MARVELD1: variants seen among roughly 807,000 people sequenced by gnomAD.
MARVELD1 encodes MARVEL domain-containing protein 1.
Under a neutral mutation model 11.3 loss-of-function variants are expected in MARVELD1, and 7 were observed. That is an observed-to-expected ratio of 0.62 (90% CI 0.35 to 1.16). The LOEUF is 1.16. Among genes scored for constraint, MARVELD1 ranks in the 50% most tolerant of loss-of-function variants. The pLI, the probability that MARVELD1 is intolerant of heterozygous loss-of-function variation, is 0.02. For synonymous variants in MARVELD1, 119 were observed against 121.4 expected (o/e 0.98, Z 0.13); for missense variants, 216 against 243.8 (o/e 0.89, Z 0.76).
Position 97,714,741 on chromosome 10 carries a change from GA to G in MARVELD1, c.*344del, listed in dbSNP as rs2041898993. On this transcript the variant is annotated 3_prime_UTR_variant, in exon 1 of 2. Transcript: ENST00000285605. The surrounding 1 kb of genome is among the most constrained non-coding windows in gnomAD (Gnocchi z 7.4). ...CGGTTCCTCTTCCCTTCCCTGCTGA[GA>G]CTAAGACGTGGACAGGGGCCGCGCA... 1.1e-5 allele frequency: 3 copies of G among 264,048 alleles called. No homozygotes were observed. The highest frequency in any genetic ancestry group is 1.6e-4 in the South Asian group (2 of 12,560). 16.4% of individuals were successfully genotyped at this position (264,048 alleles called of 1,614,324 possible). A position where few individuals can be genotyped will look rare whatever the true frequency, so the allele number is the denominator to read the frequency against.
At chr10:97,716,600 G>T (rs2041913913) in intron 1 of MARVELD1, among the ~76,000 whole-genome samples, 1 of 152,200 alleles carries the variant, frequency 6.6e-6, no homozygotes, top group South Asian at 2.1e-4. Flanking sequence ...AGCTTTCTCT[G>T]TGGAGGCTGC....
chr10:97,714,227 C>T lies in MARVELD1; in HGVS notation c.351C>T (p.Ser117=). 1 of 1,536,932 alleles carries T rather than the reference C, an allele frequency of 6.5e-7. No homozygotes were observed. Among genetic ancestry groups the T allele is most frequent in the Non-Finnish European group, 8.7e-7 (1 of 1,146,698 alleles). ...ACGGCGCCGCCACCGGCATCATGAG[C>T]GACCAGATGCAGCGCCACAGCTACT... ...ALYGAATGIM[S]DQMQRHSYCN... Residue 117 remains serine, a synonymous_variant, in exon 1 of 2, where the codon AGC becomes AGT. Coordinates refer to ENST00000285605, the MANE Select transcript of MARVELD1 (RefSeq NM_031484.4). The surrounding 1 kb of genome is among the most constrained non-coding windows in gnomAD (Gnocchi z 7.4).
Position 97,714,696 on chromosome 10 carries a change from C to A in MARVELD1, c.*298C>A, listed in dbSNP as rs1420504125. The A allele has an allele frequency of 5.4e-6, 2 of 373,252 alleles. No homozygotes were observed. The highest frequency in any genetic ancestry group is 9.6e-6 in the Non-Finnish European group (2 of 209,120). The allele number at this position is 373,252 out of a possible 1,614,324, so 23.1% of individuals were successfully genotyped here. ...GGCTGACACACACTCGCAGACGAGC[C>A]GCCCCGAGGCGAAACCTCGCGGTTC... On this transcript the variant is annotated 3_prime_UTR_variant, in exon 1 of 2. Transcript: ENST00000285605. The surrounding 1 kb of genome is among the most constrained non-coding windows in gnomAD (Gnocchi z 7.4).
chr10:97,714,189 G>C lies in MARVELD1; in HGVS notation c.313G>C (p.Ala105Pro). ...GGTCAACGTGGCGCACGATGTGCTG[G>C]CGGCCGCGCTCTACGGCGCCGCCAC... The part of the protein sequence containing the change: ...LMVNVAHDVL[A>P]AALYGAATGI... Residue 105 changes from alanine (A) to proline (P), a missense_variant, in exon 1 of 2, where the codon GCG becomes CCG. Coordinates refer to ENST00000285605, the MANE Select transcript of MARVELD1 (RefSeq NM_031484.4). This position sits in a 1 kb window ranked among gnomAD's most constrained non-coding sequence, Gnocchi z 7.4. 6.5e-7 allele frequency: 1 copy of C among 1,536,696 alleles called. No individual in the cohort carries two copies. The highest frequency in any genetic ancestry group is 8.7e-7 in the Non-Finnish European group (1 of 1,146,602).
chr10:97,714,413 G>T lies in MARVELD1; in HGVS notation c.*15G>T, dbSNP rs777354258. 5 of 1,478,984 alleles carry T rather than the reference G, an allele frequency of 3.4e-6. No homozygotes were observed. Among genetic ancestry groups the T allele is most frequent in the East Asian group, 2.5e-5 (1 of 40,376 alleles). The allele number at this position is 1,478,984 out of a possible 1,614,324, so 91.6% of individuals were successfully genotyped here. ...AGGTGGCGTGAGGCCGCCCGCGCCCGCCGCGGCCCCGATCGGGGCGGGGGA... is the reference window on the plus strand; with the variant it reads ...AGGTGGCGTGAGGCCGCCCGCGCCCTCCGCGGCCCCGATCGGGGCGGGGGA... On this transcript the variant is annotated 3_prime_UTR_variant, in exon 1 of 2. Transcript: ENST00000285605. This position sits in a 1 kb window ranked among gnomAD's most constrained non-coding sequence, Gnocchi z 7.4.
At position 97,715,063 on chromosome 10, in the gene MARVELD1, A is replaced by G; in HGVS notation, c.*665A>G. On this transcript the variant is annotated 3_prime_UTR_variant, in exon 1 of 2. Transcript: ENST00000285605. The stretch of plus-strand genomic sequence containing the variant: ...ATCCGCCGAGGTGGGGACCGATAGG[A>G]GAAGCCGGTGGGTTGTACCCTTACA... 6.6e-6 allele frequency: 1 copy of G among 152,524 alleles called. No homozygotes were observed. Among genetic ancestry groups the G allele is most frequent in the Non-Finnish European group, 1.5e-5 (1 of 68,248 alleles). 9.4% of individuals were successfully genotyped at this position (152,524 alleles called of 1,614,324 possible).
In MARVELD1 at chr10:97,715,229, C is replaced by T; in HGVS notation, c.*831C>T. 1 of 152,522 alleles carries T rather than the reference C, an allele frequency of 6.6e-6. No homozygotes were observed. Among genetic ancestry groups the T allele is most frequent in the Non-Finnish European group, 1.5e-5 (1 of 68,184 alleles). 9.4% of individuals were successfully genotyped at this position (152,522 alleles called of 1,614,324 possible). On this transcript the variant is annotated 3_prime_UTR_variant, in exon 1 of 2. Coordinates refer to ENST00000285605, the MANE Select transcript of MARVELD1 (RefSeq NM_031484.4). Reference sequence around the variant, plus strand: ...AGCCTTCCTCACAGGCTTCTGCCGCCCCCCTCATCTCCACCCTCCCCCATA... The same window carrying T: ...AGCCTTCCTCACAGGCTTCTGCCGCTCCCCTCATCTCCACCCTCCCCCATA...
rs949352258 is a variant in MARVELD1 at position 97,715,433 on chromosome 10, G to C, written c.*1035G>C. On this transcript the variant is annotated 3_prime_UTR_variant, in exon 1 of 2. Coordinates refer to ENST00000285605, the MANE Select transcript of MARVELD1 (RefSeq NM_031484.4). ...GGGTGAGTCAGGACCCCTGGCTCAG[G>C]AGCCGCCTCTCCTAAAAGAGGGTTT... 1 of 152,252 alleles carries C rather than the reference G, an allele frequency of 6.6e-6. No individual in the cohort carries two copies. Among genetic ancestry groups the C allele is most frequent in the African/African-American group, 2.4e-5 (1 of 41,460 alleles). 9.4% of individuals were successfully genotyped at this position (152,252 alleles called of 1,614,324 possible).
rs2041892887 is a variant in MARVELD1 at position 97,714,057 on chromosome 10, G to C, written c.181G>C (p.Ala61Pro). Residue 61 changes from alanine to proline, a missense_variant, in exon 1 of 2, where the codon GCG (alanine) becomes CCG (proline). By Grantham distance (27) the Ala-to-Pro change is conservative. Transcript: ENST00000285605. This position sits in a 1 kb window ranked among gnomAD's most constrained non-coding sequence, Gnocchi z 7.4. ...CAAGTACCAGGGCCCCGTGCACTTC[G>C]CGCTCTTCGTGTCCGTGCTCTTCTG... ...TSKYQGPVHF[A>P]LFVSVLFWLL... 2 of 1,536,818 alleles carry C rather than the reference G, an allele frequency of 1.3e-6. No homozygotes were observed. Among genetic ancestry groups the C allele is most frequent in the Non-Finnish European group, 1.7e-6 (2 of 1,146,676 alleles).
At position 97,715,672 on chromosome 10, in the gene MARVELD1, T is replaced by C. The variant is rs1589957029; in HGVS notation, c.*1274T>C. On this transcript the variant is annotated 3_prime_UTR_variant, in exon 1 of 2. Coordinates refer to ENST00000285605, the MANE Select transcript of MARVELD1 (RefSeq NM_031484.4). ...GCCGAAGGGCCCAACCCATTGGCTG[T>C]GTTCTGTTTGAAGATTTGGGGGGCG... 1 of 152,392 alleles carries C rather than the reference T, an allele frequency of 6.6e-6. No individual in the cohort carries two copies. Among genetic ancestry groups the C allele is most frequent in the East Asian group, 1.9e-4 (1 of 5,188 alleles). The allele number at this position is 152,392 out of a possible 1,614,324, so 9.4% of individuals were successfully genotyped here.
chr10:97,714,104 C>T lies in MARVELD1; in HGVS notation c.228C>T (p.Tyr76=), dbSNP rs1281681640. 6 of 1,537,026 alleles carry T rather than the reference C, an allele frequency of 3.9e-6. No homozygotes were observed. Among genetic ancestry groups the T allele is most frequent in the Admixed American group, 2.0e-5 (1 of 50,996 alleles). The change falls in exon 1 of 2, where the codon TAC becomes TAT. Residue 76 remains tyrosine, a synonymous_variant. Coordinates refer to ENST00000285605, the MANE Select transcript of MARVELD1 (RefSeq NM_031484.4). This position sits in a 1 kb window ranked among gnomAD's most constrained non-coding sequence, Gnocchi z 7.4. ...TCTGGCTGCTCACCCTGGGCCTCTACTTCCTCACGCTGCTGGGCAAGCACG... is the reference window on the plus strand; with the variant it reads ...TCTGGCTGCTCACCCTGGGCCTCTATTTCCTCACGCTGCTGGGCAAGCACG... The part of the protein sequence containing the change: ...VLFWLLTLGL[Y]FLTLLGKHEL...
In MARVELD1 at chr10:97,714,422, C is replaced by A. The variant is rs748875161; in HGVS notation, c.*24C>A. On this transcript the variant is annotated 3_prime_UTR_variant, in exon 1 of 2. Transcript: ENST00000285605. This position sits in a 1 kb window ranked among gnomAD's most constrained non-coding sequence, Gnocchi z 7.4. Reference sequence around the variant, plus strand: ...GAGGCCGCCCGCGCCCGCCGCGGCCCCGATCGGGGCGGGGGAATCCCCGGA... The same window carrying A: ...GAGGCCGCCCGCGCCCGCCGCGGCCACGATCGGGGCGGGGGAATCCCCGGA... The A allele has an allele frequency of 1.2e-5, 18 of 1,455,850 alleles. No homozygotes were observed. In the South Asian group the frequency reaches 2.0e-4, roughly 17 times the overall value. The allele number at this position is 1,455,850 out of a possible 1,614,324, so 90.2% of individuals were successfully genotyped here.
rs1208472585 is a variant in MARVELD1, at chr10:97,714,114, C to T, written c.238C>T (p.Leu80=). The T allele has an allele frequency of 5.2e-6, 8 of 1,536,878 alleles. No individual in the cohort carries two copies. In the Admixed American group the frequency reaches 5.9e-5, roughly 11 times the overall value. ...CACCCTGGGCCTCTACTTCCTCACG[C>T]TGCTGGGCAAGCACGAGCTGGTCCC... is the stretch of plus-strand genomic sequence containing the variant. ...LLTLGLYFLT[L]LGKHELVPVL... The change falls in exon 1 of 2, where the codon CTG becomes TTG. Residue 80 remains leucine, a synonymous_variant. Transcript: ENST00000285605. The surrounding 1 kb of genome is among the most constrained non-coding windows in gnomAD (Gnocchi z 7.4).
intron 1 of MARVELD1, among the ~76,000 whole-genome samples, chr10:97,716,237 T>A (rs189159511): frequency 1.3e-5 from 2 of 152,234 alleles, no homozygotes; most frequent in East Asian, 3.9e-4. Flanking sequence ...CACGCTGGAG[T>A]GCAGTGATGT....
At position 97,714,046 on chromosome 10, in the gene MARVELD1, C is replaced by G. The variant is rs1310313428; in HGVS notation, c.170C>G (p.Pro57Arg). The change falls in exon 1 of 2, where the codon CCC (proline) becomes CGC (arginine). Residue 57 changes from proline to arginine, a missense_variant. Physicochemically the swap from Pro to Arg is moderately radical, Grantham distance 103 (BLOSUM62 -2). Transcript: ENST00000285605. The surrounding 1 kb of genome is among the most constrained non-coding windows in gnomAD (Gnocchi z 7.4). ...ITIATSKYQG[P>R]VHFALFVSVL... ...ATCGCCACCAGCAAGTACCAGGGCCCCGTGCACTTCGCGCTCTTCGTGTCC... is the reference window on the plus strand; with the variant it reads ...ATCGCCACCAGCAAGTACCAGGGCCGCGTGCACTTCGCGCTCTTCGTGTCC... 2.0e-6 allele frequency: 3 copies of G among 1,536,844 alleles called. No individual in the cohort carries two copies. The highest frequency in any genetic ancestry group is 1.2e-5 in the South Asian group (1 of 84,064).
chr10:97,714,026 C>T lies in MARVELD1; in HGVS notation c.150C>T (p.Ala50=), dbSNP rs2041892574. Residue 50 remains alanine (A), a synonymous_variant, in exon 1 of 2, where the codon GCC becomes GCT. Coordinates refer to ENST00000285605, the MANE Select transcript of MARVELD1 (RefSeq NM_031484.4). The surrounding 1 kb of genome is among the most constrained non-coding windows in gnomAD (Gnocchi z 7.4). ...GCGCTGCCTTCTGGATCACTATCGC[C>T]ACCAGCAAGTACCAGGGCCCCGTGC... The part of the protein sequence containing the change: ...LAGAAFWITI[A]TSKYQGPVHF... 1 of 1,536,610 alleles carries T rather than the reference C, an allele frequency of 6.5e-7. No individual in the cohort carries two copies. Among genetic ancestry groups the T allele is most frequent in the African/African-American group, 1.4e-5 (1 of 73,122 alleles).
At position 97,714,066 on chromosome 10, in the gene MARVELD1, G is replaced by T; in HGVS notation, c.190G>T (p.Val64Leu). 6.5e-7 allele frequency: 1 copy of T among 1,536,878 alleles called. No homozygotes were observed. The highest frequency in any genetic ancestry group is 8.7e-7 in the Non-Finnish European group (1 of 1,146,696). Residue 64 changes from valine (V) to leucine (L), a missense_variant, in exon 1 of 2, where the codon GTG (valine) becomes TTG (leucine). Val to Leu is a conservative substitution (Grantham distance 32). Coordinates refer to ENST00000285605, the MANE Select transcript of MARVELD1 (RefSeq NM_031484.4). The surrounding 1 kb of genome is among the most constrained non-coding windows in gnomAD (Gnocchi z 7.4). ...GGGCCCCGTGCACTTCGCGCTCTTC[G>T]TGTCCGTGCTCTTCTGGCTGCTCAC... ...YQGPVHFALF[V>L]SVLFWLLTLG...
At position 97,717,449 on chromosome 10, in the gene MARVELD1, T is replaced by A. The variant is rs1199317506; in HGVS notation, c.*1843T>A. 6.6e-6 allele frequency: 1 copy of A among 152,218 alleles called. No individual in the cohort carries two copies. The highest frequency in any genetic ancestry group is 1.5e-5 in the Non-Finnish European group (1 of 68,050). 9.4% of individuals were successfully genotyped at this position (152,218 alleles called of 1,614,324 possible). A position where few individuals can be genotyped will look rare whatever the true frequency, so the allele number is the denominator to read the frequency against. ...CTCAAGAGAATTCCTGTTCTCCTTG[T>A]GCTATGATTTGGACACAAGATTCTG... On this transcript the variant is annotated 3_prime_UTR_variant, in exon 2 of 2. Coordinates refer to ENST00000285605, the MANE Select transcript of MARVELD1 (RefSeq NM_031484.4).
In MARVELD1 at chr10:97,717,194, G is replaced by T. The variant is rs563331691; in HGVS notation, c.*1588G>T. 6.6e-6 allele frequency: 1 copy of T among 152,336 alleles called. No homozygotes were observed. The highest frequency in any genetic ancestry group is 2.1e-4 in the South Asian group (1 of 4,830). 9.4% of individuals were successfully genotyped at this position (152,336 alleles called of 1,614,324 possible). On this transcript the variant is annotated splice_region_variant and 3_prime_UTR_variant, in exon 2 of 2. Coordinates refer to ENST00000285605, the MANE Select transcript of MARVELD1 (RefSeq NM_031484.4). Reference sequence around the variant, plus strand: ...TTTGACTTTGGTTCTCCTGTTGCAGGTTTCCATGTTGCTGAGGCCATGGAG... The same window carrying T: ...TTTGACTTTGGTTCTCCTGTTGCAGTTTTCCATGTTGCTGAGGCCATGGAG...
Sources: allele counts gnomAD v4.1 joint callset (sites outside exome capture counted in the v4.1 genomes callset), GRCh38; gene constraint gnomAD v4.1.1; non-coding constraint Gnocchi (gnomAD v3.1); transcripts MANE v1.5; gene names NCBI Gene and HGNC (gene_info 2026-07-23, HGNC 2026-07-21).